Variants in EBF1 observed in about 807,000 individuals in gnomAD.
EBF1 encodes the protein EBF transcription factor 1.
Under a neutral mutation model 68.4 loss-of-function variants are expected in EBF1, and 10 were observed. The observed-to-expected ratio is 0.15, with a 90% confidence interval of 0.09 to 0.25. EBF1 has a LOEUF of 0.25. Ranked by LOEUF, EBF1 falls within the 10% of genes least tolerant of loss-of-function variation. The pLI is 1.00. For missense variants in EBF1, 509 were observed against 794.4 expected (o/e 0.64, Z 4.32); for synonymous variants, 298 against 299.8 (o/e 0.99, Z 0.06).
intron 10 of EBF1, among the ~76,000 whole-genome samples, chr5:158,767,347 T>C (rs1772936305): frequency 6.6e-6 from 1 of 152,158 alleles, no homozygotes; most frequent in Non-Finnish European, 1.5e-5. Flanking sequence ...AAGGCTCCAG[T>C]TCCTGTCAGA....
intron 6 of EBF1, among the ~76,000 whole-genome samples, chr5:159,068,067 C>G (rs1030697831): frequency 1.3e-5 from 2 of 152,088 alleles, no homozygotes; most frequent in African/African-American, 4.8e-5. Context: ...AATGATTATG[C>G]ATTGGTGGTG....
chr5:158,977,402 T>G (rs1250138686), intron 6 of EBF1, among the ~76,000 whole-genome samples: 1 of 152,230 alleles, frequency 6.6e-6, no homozygotes, highest in Non-Finnish European at 1.5e-5. Flanking sequence ...TTTCTTTAAG[T>G]TAGACACTTA....
intron 6 of EBF1, among the ~76,000 whole-genome samples, chr5:158,970,179 G>A (rs1755335867): frequency 6.6e-6 from 1 of 152,092 alleles, no homozygotes; most frequent in African/African-American, 2.4e-5. Context: ...CCACTCACAG[G>A]AGACTTGGAA....
At chr5:158,985,469 T>A (rs1360530434) in intron 6 of EBF1, among the ~76,000 whole-genome samples, 2 of 152,230 alleles carry the variant, frequency 1.3e-5, no homozygotes, top group African/African-American at 4.8e-5. Context: ...GTATTTGCTT[T>A]AAAGATGGCC....
In EBF1 at chr5:158,804,235, G is replaced by A. The variant is rs1781157331; in HGVS notation, c.779-7760C>T. Among the ~76,000 whole-genome samples the A allele has an allele frequency of 2.0e-5, 3 of 151,858 alleles. No individual in the cohort carries two copies. The South Asian group carries it at 6.3e-4, about 32-fold the overall frequency. ...TAGCTCCAATGTCCATCTACATTAA[G>A]GCAGTGTTAGCTTAGTGGTGAATAT... On this transcript the variant is annotated intron_variant, in intron 8 of 15. Transcript: ENST00000313708.
intron 6 of EBF1, among the ~76,000 whole-genome samples, chr5:158,989,979 G>T (rs1561724023): frequency 6.6e-6 from 1 of 152,154 alleles, no homozygotes; most frequent in Non-Finnish European, 1.5e-5. Context: ...GATGGAAAAT[G>T]ATGAGTGTTA....
At chr5:158,811,890 A>G (rs1259748808) in intron 8 of EBF1, among the ~76,000 whole-genome samples, 1 of 152,122 alleles carries the variant, frequency 6.6e-6, no homozygotes, top group African/African-American at 2.4e-5. Flanking sequence ...AATTTTGAAT[A>G]TGTGTTCCCC....
chr5:158,972,785 C>A (rs1414675110), intron 6 of EBF1, among the ~76,000 whole-genome samples: 2 of 152,214 alleles, frequency 1.3e-5, no homozygotes, highest in Admixed American at 1.3e-4. Flanking sequence ...GGCAGCGCCA[C>A]CTGCTACTTT....
At position 158,713,009 on chromosome 5, in the gene EBF1, C is replaced by A. The variant is rs780739827; in HGVS notation, c.1330G>T (p.Ala444Ser). 5 of 1,535,236 alleles carry A rather than the reference C, an allele frequency of 3.3e-6. No homozygotes were observed. The highest frequency in any genetic ancestry group is 4.4e-6 in the Non-Finnish European group (5 of 1,134,658). Reference protein sequence around the residue: ...MGVNSFSGQLAVNVSEASQAT... With the variant: ...MGVNSFSGQLSVNVSEASQAT... ...TGTGATGCCTCGGAGACATTCACGG[C>A]CAGTTGTCCACTGAACGAATTCACG... is the stretch of plus-strand genomic sequence containing the variant. Residue 444 changes from alanine to serine, a missense_variant, in exon 13 of 16, where the codon GCC becomes TCC. Physicochemically the swap from Ala to Ser is moderately conservative, Grantham distance 99. Coordinates refer to ENST00000313708, the MANE Select transcript of EBF1 (RefSeq NM_024007.5).
chr5:158,893,526 T>C (rs1801592711), intron 6 of EBF1, among the ~76,000 whole-genome samples: 1 of 152,236 alleles, frequency 6.6e-6, no homozygotes, highest in Non-Finnish European at 1.5e-5. Context: ...TTGGCACTTA[T>C]AAATCCCCCC....
chr5:159,092,620 A>G (rs1262611670), intron 4 of EBF1, among the ~76,000 whole-genome samples: 1 of 152,250 alleles, frequency 6.6e-6, no homozygotes, highest in Non-Finnish European at 1.5e-5. Flanking sequence ...ATGGAAATGT[A>G]GAATGCAAAA....
chr5:158,891,135 GTGTT>G (rs999330741), intron 6 of EBF1, among the ~76,000 whole-genome samples: 7 of 152,214 alleles, frequency 4.6e-5, no homozygotes, highest in African/African-American at 1.2e-4. Flanking sequence ...AGTTTTGTGT[GTGTT>G]TGTTTGTTTT....
rs986562475 is a variant in EBF1 at position 158,883,527 on chromosome 5, T to C, written c.555-43417A>G. ...GCATGCCCCACCGTGCACTCCCTACTAAAAGGCACTGTGCTCGCTTGAGTG... is the reference window on the plus strand; with the variant it reads ...GCATGCCCCACCGTGCACTCCCTACCAAAAGGCACTGTGCTCGCTTGAGTG... On this transcript the variant is annotated intron_variant, in intron 6 of 15. Coordinates refer to ENST00000313708, the MANE Select transcript of EBF1 (RefSeq NM_024007.5). Among the ~76,000 whole-genome samples, 6 of 152,064 alleles carry C rather than the reference T, an allele frequency of 3.9e-5. No homozygotes were observed. The East Asian group carries it at 1.2e-3, about 29-fold the overall frequency.
intron 6 of EBF1, among the ~76,000 whole-genome samples, chr5:159,009,568 C>G (rs1429048586): frequency 2.0e-5 from 3 of 152,074 alleles, no homozygotes; most frequent in African/African-American, 4.8e-5. Context: ...TTACTGAGGA[C>G]AACTTCCTGT....
chr5:158,997,287 T>C (rs1761611888), intron 6 of EBF1, among the ~76,000 whole-genome samples: 1 of 152,138 alleles, frequency 6.6e-6, no homozygotes, highest in Admixed American at 6.5e-5. Flanking sequence ...ACTGGGACCC[T>C]CTAAAGAGCA....
At chr5:158,977,163 C>A (rs1343469340) in intron 6 of EBF1, among the ~76,000 whole-genome samples, 1 of 152,202 alleles carries the variant, frequency 6.6e-6, no homozygotes, top group Non-Finnish European at 1.5e-5. Context: ...TGAGTAGATG[C>A]AAACCACAAA....
At chr5:158,797,132 C>T (rs1317245549) in intron 8 of EBF1, among the ~76,000 whole-genome samples, 2 of 152,134 alleles carry the variant, frequency 1.3e-5, no homozygotes, top group African/African-American at 2.4e-5. Flanking sequence ...ATGACCTTTG[C>T]TTTGCTGTCT....
At chr5:159,073,214 C>A (rs918971283) in intron 6 of EBF1, among the ~76,000 whole-genome samples, 182 bp downstream of exon 6, 1 of 152,188 alleles carries the variant, frequency 6.6e-6, no homozygotes, top group Non-Finnish European at 1.5e-5. Context: ...AAGGAACAGG[C>A]CTCTAAAAGA....
chr5:158,925,895 A>G (rs375564682), intron 6 of EBF1, among the ~76,000 whole-genome samples: 2 of 152,230 alleles, frequency 1.3e-5, no homozygotes, highest in African/African-American at 4.8e-5. Context: ...GTGCTAATAC[A>G]TAAGAACAGA....
Sources: gnomAD v4.1 joint callset for allele counts (sites outside exome capture counted in the v4.1 genomes callset) on GRCh38, gnomAD v4.1.1 for gene constraint, MANE v1.5 for transcripts, NCBI Gene and HGNC (gene_info 2026-07-23, HGNC 2026-07-21) for gene names.